Variants in RMDN2 observed in about 807,000 individuals in gnomAD.
RMDN2 encodes the protein regulator of microtubule dynamics protein 2.
A neutral mutation model predicts 52.8 loss-of-function variants in RMDN2; 61 were observed. The observed-to-expected ratio is 1.16, with a 90% CI of 0.94 to 1.43. RMDN2 has a LOEUF of 1.43. Ranked by LOEUF, RMDN2 falls within the 40% of genes most tolerant of loss-of-function variation. The probability of loss-of-function intolerance (pLI) is 0.00; values close to 1 mark genes in which losing one functional copy is unlikely to be tolerated. For missense variants in RMDN2, 592 were observed against 475.3 expected (o/e 1.25, Z -2.28); for synonymous variants, 180 against 153.1 (o/e 1.18, Z -1.30).
intron 8 of RMDN2, among the ~76,000 whole-genome samples, chr2:38,000,637 A>G (rs1479591083): frequency 1.3e-5 from 2 of 152,192 alleles, no homozygotes; most frequent in African/African-American, 4.8e-5. Context: ...TACTCAGCAT[A>G]CTGTTTTGAG....
chr2:37,939,792 G>A (rs1212133482), intron 2 of RMDN2, among the ~76,000 whole-genome samples: 1 of 152,154 alleles, frequency 6.6e-6, no homozygotes, highest in African/African-American at 2.4e-5. Flanking sequence ...CTTTGCATGT[G>A]AGATGGGTCC....
downstream of RMDN2, among the ~76,000 whole-genome samples, chr2:38,021,559 G>C (rs902552357): frequency 6.6e-6 from 1 of 151,948 alleles, no homozygotes; most frequent in African/African-American, 2.4e-5. Context: ...GAACACATCC[G>C]AACATCAGAA....
Position 37,991,415 on chromosome 2 carries a change from A to G in RMDN2, c.945+118A>G, listed in dbSNP as rs1252077756. 7.8e-6 allele frequency: 3 copies of G among 382,982 alleles called. No homozygotes were observed. The East Asian group carries it at 1.2e-4, about 16-fold the overall frequency. The allele number at this position is 382,982 out of a possible 1,614,324, so 23.7% of individuals were successfully genotyped here. ...TGCCTACTTTAGGGAGAATTATAATAGCAATAAAATTTTATTTTAATGTAT... is the reference window on the plus strand; with the variant it reads ...TGCCTACTTTAGGGAGAATTATAATGGCAATAAAATTTTATTTTAATGTAT... On this transcript the variant is annotated intron_variant, in intron 7 of 10. Coordinates refer to ENST00000354545, the MANE Select transcript of RMDN2 (RefSeq NM_001170791.3).
At chr2:37,942,937 C>T (rs564417036) in intron 2 of RMDN2, among the ~76,000 whole-genome samples, 5 of 152,244 alleles carry the variant, frequency 3.3e-5, no homozygotes, top group East Asian at 3.9e-4. Context: ...AGAACCCTAA[C>T]GGCCAAGAAA....
In RMDN2 at chr2:38,004,178, T is replaced by C; in HGVS notation, c.1141T>C (p.Cys381Arg). The part of the protein sequence containing the change: ...LEENQNALKF[C>R]NLALLLPTVT... ...GGAAAACCAGAATGCTTTGAAGTTCTGTAATTTGGCTTTATTGCTTCCTAC... is the reference window on the plus strand; with the variant it reads ...GGAAAACCAGAATGCTTTGAAGTTCCGTAATTTGGCTTTATTGCTTCCTAC... Residue 381 changes from cysteine (C) to arginine (R), a missense_variant, in exon 10 of 11, where the codon TGT (cysteine) becomes CGT (arginine). Physicochemically the swap from Cys to Arg is radical, Grantham distance 180. Coordinates refer to ENST00000354545, the MANE Select transcript of RMDN2 (RefSeq NM_001170791.3). The C allele has an allele frequency of 6.2e-7, 1 of 1,613,892 alleles. No homozygotes were observed. Among genetic ancestry groups the C allele is most frequent in the East Asian group, 2.2e-5 (1 of 44,804 alleles).
At chr2:37,952,447 C>T in intron 2 of RMDN2, 1 of 499,224 alleles carries the variant, frequency 2.0e-6, no homozygotes, top group Non-Finnish European at 3.5e-6. Flanking sequence ...TTCAGATTTA[C>T]TGCTTAAAGA....
At chr2:37,967,834 T>A (rs1305824401) in intron 2 of RMDN2, among the ~76,000 whole-genome samples, 1 of 152,180 alleles carries the variant, frequency 6.6e-6, no homozygotes, top group East Asian at 1.9e-4. Flanking sequence ...AAGCACCAAT[T>A]TTTCTTCAGT....
chr2:37,953,892 A>G (rs909285739), intron 2 of RMDN2, among the ~76,000 whole-genome samples: 11 of 151,962 alleles, frequency 7.2e-5, no homozygotes, highest in African/African-American at 2.7e-4. Flanking sequence ...TAGCCATCCT[A>G]ATGGGTATGA....
chr2:38,060,068 ATTTTATTTTATTTTATT>A (rs1681983280), intron 10 of RMDN2, among the ~76,000 whole-genome samples: 1 of 6,318 alleles, frequency 1.6e-4, no homozygotes, highest in Non-Finnish European at 5.5e-4. Flanking sequence ...CAGCTATTTT[ATTTTATTTTATTTTATT>A]TTATTTTATT....
chr2:38,006,874 G>A (rs531831748), intron 10 of RMDN2, among the ~76,000 whole-genome samples: 14 of 152,188 alleles, frequency 9.2e-5, no homozygotes, highest in African/African-American at 2.6e-4. Flanking sequence ...TTTGAGATAC[G>A]TCCCATCAAT....
chr2:38,036,936 T>C (rs60693047), intron 10 of RMDN2, among the ~76,000 whole-genome samples: 13,928 of 152,182 alleles, frequency 0.092, 855 homozygotes, highest in African/African-American at 0.17. Flanking sequence ...CTGGTGGCTT[T>C]ATTGTCTATT....
In RMDN2 at chr2:37,944,296, C is replaced by G. The variant is rs1668039036; in HGVS notation, c.452+14567C>G. On this transcript the variant is annotated intron_variant, in intron 2 of 10. Coordinates refer to ENST00000354545, the MANE Select transcript of RMDN2 (RefSeq NM_001170791.3). ...TATTTTATAAACAGGTGATGTATTT[C>G]TCATTGAAAACACCATTTAAAAAAA... Among the ~76,000 whole-genome samples, 3 of 147,860 alleles carry G rather than the reference C, an allele frequency of 2.0e-5. No individual in the cohort carries two copies. The South Asian group carries it at 6.4e-4, about 32-fold the overall frequency.
At chr2:38,037,267 G>A (rs1376545872) in intron 10 of RMDN2, among the ~76,000 whole-genome samples, 4 of 152,136 alleles carry the variant, frequency 2.6e-5, no homozygotes, top group African/African-American at 4.8e-5. Context: ...ATATGGAAAC[G>A]ATTTCTCAGC....
At chr2:38,009,652 C>T (rs1396470940) in intron 10 of RMDN2, among the ~76,000 whole-genome samples, 7 of 152,050 alleles carry the variant, frequency 4.6e-5, no homozygotes, top group South Asian at 4.1e-4. Context: ...GCCATGGTTT[C>T]GAACTTCCTC....
chr2:37,983,660 A>G (rs1673617626), intron 5 of RMDN2, among the ~76,000 whole-genome samples: 1 of 152,208 alleles, frequency 6.6e-6, no homozygotes, highest in South Asian at 2.1e-4. Context: ...GTTTGAGGGG[A>G]TGAAAAAAGA....
chr2:38,050,490 C>A (rs555868929), intron 10 of RMDN2, among the ~76,000 whole-genome samples: 1 of 152,208 alleles, frequency 6.6e-6, no homozygotes, highest in South Asian at 2.1e-4. Flanking sequence ...GACATTTTTG[C>A]AGAGCCTTAA....
In RMDN2 at chr2:38,003,546, TGATAGATAGATA is replaced by T. The variant is rs57530338; in HGVS notation, c.1045-399_1045-388del. On this transcript the variant is annotated intron_variant, in intron 8 of 10. Coordinates refer to ENST00000354545, the MANE Select transcript of RMDN2 (RefSeq NM_001170791.3). ...CCAGCCTGGGCAACAAAGCAAGACC[TGATAGATAGATA>T]GATAGATAGATAGATAGATAGATAG... Among the ~76,000 whole-genome samples, 772 of 132,456 alleles carry T rather than the reference TGATAGATAGATA, an allele frequency of 5.8e-3. 7 individuals are homozygous for T. Among genetic ancestry groups the T allele is most frequent in the Middle Eastern group, 0.025 (7 of 282 alleles). 86.9% of individuals were successfully genotyped at this position (132,456 alleles called of 152,430 possible).
chr2:37,946,865 A>G (rs1440655126), intron 2 of RMDN2, among the ~76,000 whole-genome samples: 2 of 152,174 alleles, frequency 1.3e-5, no homozygotes, highest in East Asian at 3.8e-4. Flanking sequence ...CAAATTATCT[A>G]GTGTTGCTAG....
At chr2:38,065,721 A>C (rs879720767) in intron 10 of RMDN2, among the ~76,000 whole-genome samples, 3 of 152,242 alleles carry the variant, frequency 2.0e-5, no homozygotes, top group Non-Finnish European at 2.9e-5. Flanking sequence ...AGGAAACTGG[A>C]CCAGCCTAAG....
Sources: gnomAD v4.1 joint callset for allele counts (sites outside exome capture counted in the v4.1 genomes callset) on GRCh38, gnomAD v4.1.1 for gene constraint, MANE v1.5 for transcripts, NCBI Gene and HGNC (gene_info 2026-07-23, HGNC 2026-07-21) for gene names.